The following LIMS1 variants were observed in gnomAD, a reference collection of about 807,000 sequenced individuals.
The protein encoded by LIMS1 is LIM zinc finger domain containing 1, also known as LIM and senescent cell antigen-like-containing domain protein 1.
Under a neutral mutation model 44.1 loss-of-function variants are expected in LIMS1, and 18 were observed. That is an observed-to-expected ratio of 0.41 (90% CI 0.28 to 0.61). The LOEUF (loss-of-function observed/expected upper bound fraction) is 0.61, where lower values mean the gene tolerates loss of function less well. Ranked by LOEUF, LIMS1 falls within the 20% of genes least tolerant of loss-of-function variation. The pLI is 0.32. For missense variants in LIMS1, 201 were observed against 422.0 expected (o/e 0.48, Z 4.59); for synonymous variants, 93 against 149.1 (o/e 0.62, Z 2.74).
rs541690395 is a variant in LIMS1, at chr2:108,535,101, G to T, written c.32+507G>T. 5.9e-5 allele frequency among the ~76,000 whole-genome samples: 9 copies of T among 152,292 alleles called. No homozygotes were observed. The South Asian group carries it at 1.9e-3, about 32-fold the overall frequency. Reference sequence around the variant, plus strand: ...AACATAGGGTTTTGCTAAAACAAAAGAGTTCGTGGGACGACTGGCGTCCTT... The same window carrying T: ...AACATAGGGTTTTGCTAAAACAAAATAGTTCGTGGGACGACTGGCGTCCTT... On this transcript the variant is annotated intron_variant, in intron 1 of 9. Transcript: ENST00000544547.
chr2:108,601,643 AT>A (rs1255717824), intron 1 of LIMS1, among the ~76,000 whole-genome samples: 2 of 152,224 alleles, frequency 1.3e-5, no homozygotes, highest in East Asian at 3.8e-4. Context: ...TTGAGTTCAA[AT>A]TTAATATTTA....
chr2:108,634,792 G>A (rs1006413060), intron 1 of LIMS1, among the ~76,000 whole-genome samples: 4 of 152,256 alleles, frequency 2.6e-5, no homozygotes, highest in African/African-American at 7.2e-5. Context: ...AAGCTTCACA[G>A]AAGCCCTCAC....
chr2:108,667,278 A>G (rs1369058077), intron 2 of LIMS1, among the ~76,000 whole-genome samples: 2 of 152,118 alleles, frequency 1.3e-5, no homozygotes, highest in Non-Finnish European at 1.5e-5. Context: ...GTATTTCACA[A>G]TGTCACAGTG....
chr2:108,606,439 AG>A (rs1377788355), intron 1 of LIMS1, among the ~76,000 whole-genome samples: 2 of 152,190 alleles, frequency 1.3e-5, no homozygotes, highest in Non-Finnish European at 2.9e-5. Flanking sequence ...TTTTTTTGGA[AG>A]GGGGGCGGAT....
At chr2:108,672,165 C>CAAAA in intron 3 of LIMS1, among the ~76,000 whole-genome samples, 160 bp from the exon 4 acceptor site, 1 of 56,824 alleles carries the variant, frequency 1.8e-5, no homozygotes, top group African/African-American at 5.7e-5. Flanking sequence ...GAAACTGTCT[C>CAAAA]AAAAAAAAAA....
At chr2:108,562,214 C>T (rs1685148847) in intron 1 of LIMS1, among the ~76,000 whole-genome samples, 1 of 152,192 alleles carries the variant, frequency 6.6e-6, no homozygotes, top group Non-Finnish European at 1.5e-5. Flanking sequence ...TTCCCTGAGA[C>T]ACAACAATAT....
At chr2:108,610,987 T>A (rs1446116011) in intron 1 of LIMS1, among the ~76,000 whole-genome samples, 1 of 152,202 alleles carries the variant, frequency 6.6e-6, no homozygotes, top group African/African-American at 2.4e-5. Flanking sequence ...GTCTTTTTTC[T>A]ATGCCATCAA....
At chr2:108,681,187 T>C (rs1692970358) in intron 9 of LIMS1, 1 of 1,256,074 alleles carries the variant, frequency 8.0e-7, no homozygotes, top group Non-Finnish European at 1.0e-6. Flanking sequence ...ATGTTTTTGT[T>C]CTGTTTCTGT....
intron 2 of LIMS1, among the ~76,000 whole-genome samples, chr2:108,664,803 T>A (rs1001382711): frequency 1.3e-5 from 2 of 152,070 alleles, no homozygotes; most frequent in African/African-American, 4.8e-5. Flanking sequence ...TGGAGAAGCA[T>A]AGCCCAGAGT....
intron 3 of LIMS1, among the ~76,000 whole-genome samples, chr2:108,671,746 C>A (rs749773665): frequency 2.4e-4 from 37 of 152,132 alleles, no homozygotes; most frequent in Non-Finnish European, 4.9e-4. Context: ...TCAAGAGAGC[C>A]TAGTAGCTCG....
At chr2:108,590,277 C>T (rs543615900) in intron 1 of LIMS1, among the ~76,000 whole-genome samples, 2 of 152,200 alleles carry the variant, frequency 1.3e-5, no homozygotes, top group East Asian at 3.9e-4. Context: ...CATTCACATA[C>T]ATAATCAGGA....
intron 1 of LIMS1, among the ~76,000 whole-genome samples, chr2:108,640,069 G>A (rs1395925237): frequency 2.6e-5 from 4 of 152,108 alleles, no homozygotes; most frequent in East Asian, 1.9e-4. Context: ...ATCCAGTCTC[G>A]TGTCTTTCCA....
At chr2:108,568,537 A>G (rs549615479) in intron 1 of LIMS1, among the ~76,000 whole-genome samples, 161 of 152,300 alleles carry the variant, frequency 1.1e-3, no homozygotes, top group South Asian at 1.9e-3. Flanking sequence ...TGTTCTGGAT[A>G]TTTACTCAGA....
chr2:108,569,536 T>C (rs979942622), intron 1 of LIMS1, among the ~76,000 whole-genome samples: 8 of 152,172 alleles, frequency 5.3e-5, no homozygotes, highest in East Asian at 1.9e-4. Context: ...TGAATGTGGA[T>C]GTCCGGTTTT....
chr2:108,659,269 C>T, intron 1 of LIMS1: 1 of 494,218 alleles, frequency 2.0e-6, no homozygotes, highest in Non-Finnish European at 2.6e-6. Context: ...AAGCTATAAA[C>T]CCAATTCCTT....
chr2:108,676,677 T>C, exon 7 of LIMS1: 2 of 1,384,356 alleles, frequency 1.4e-6, no homozygotes, highest in Non-Finnish European at 2.0e-6. Flanking sequence ...GCCTGGCATA[T>C]TGTGAAACTC....
chr2:108,637,072 T>G (rs2148908128), intron 1 of LIMS1, among the ~76,000 whole-genome samples: 1 of 151,766 alleles, frequency 6.6e-6, no homozygotes, highest in South Asian at 2.1e-4. Context: ...AAAAGAAACC[T>G]TTTTAAATTC....
Position 108,559,772 on chromosome 2 carries a change from A to G in LIMS1, c.32+25178A>G, listed in dbSNP as rs1232127944. 2.0e-5 allele frequency among the ~76,000 whole-genome samples: 3 copies of G among 152,246 alleles called. No homozygotes were observed. In the East Asian group the frequency reaches 5.8e-4, roughly 29 times the overall value. ...TAGGTATGTGGGTGTGTGTCCTTTC[A>G]TAATATTTTTAGTGAGTTGATCAAC... On this transcript the variant is annotated intron_variant, in intron 1 of 9. Transcript: ENST00000544547.
chr2:108,618,826 A>G (rs1459987566), intron 1 of LIMS1, among the ~76,000 whole-genome samples: 1 of 137,392 alleles, frequency 7.3e-6, no homozygotes, highest in East Asian at 2.0e-4. Flanking sequence ...TCCGTCTCAA[A>G]AAAAAAAAAA....
Sources: gnomAD v4.1 joint callset for allele counts (sites outside exome capture counted in the v4.1 genomes callset) on GRCh38, gnomAD v4.1.1 for gene constraint, MANE v1.5 for transcripts, NCBI Gene and HGNC (gene_info 2026-07-23, HGNC 2026-07-21) for gene names.